Variants in DNMBP observed in about 807,000 individuals in gnomAD.
The protein encoded by DNMBP is dynamin binding protein, also known as dynamin-binding protein.
A neutral mutation model predicts 150.0 loss-of-function variants in DNMBP; 87 were observed. The observed-to-expected ratio is 0.58, with a 90% CI of 0.49 to 0.69. The LOEUF (loss-of-function observed/expected upper bound fraction) is 0.69, where lower values mean the gene tolerates loss of function less well. Ranked by LOEUF, DNMBP falls within the 30% of genes least tolerant of loss-of-function variation. The probability of loss-of-function intolerance (pLI) is 0.00; values close to 1 mark genes in which losing one functional copy is unlikely to be tolerated. For synonymous variants in DNMBP, 711 were observed against 750.4 expected (o/e 0.95, Z 0.86); for missense variants, 1,774 against 1,949.0 (o/e 0.91, Z 1.69).
In DNMBP at chr10:99,883,969, T is replaced by C. The variant is rs776681167; in HGVS notation, c.3997+42A>G. 4 of 1,578,350 alleles carry C rather than the reference T, an allele frequency of 2.5e-6. No individual in the cohort carries two copies. The African/African-American group carries it at 5.4e-5, about 21-fold the overall frequency. On this transcript the variant is annotated intron_variant, in intron 15 of 16. Coordinates refer to ENST00000324109, the MANE Select transcript of DNMBP (RefSeq NM_015221.4). ...TTCGGGTGCAGCCAAAACTACTATT[T>C]TTTTTTTCCAGTTACAGTCCTCTGC...
chr10:99,988,793 C>T (rs2040855128), intron 1 of DNMBP, among the ~76,000 whole-genome samples: 1 of 152,170 alleles, frequency 6.6e-6, no homozygotes, highest in Non-Finnish European at 1.5e-5. Flanking sequence ...TCCCGAGGAG[C>T]TGGGACTACA....
At chr10:99,995,924 A>G (rs1196156733) in intron 1 of DNMBP, among the ~76,000 whole-genome samples, 1 of 152,260 alleles carries the variant, frequency 6.6e-6, no homozygotes, top group Non-Finnish European at 1.5e-5. Context: ...AGTTCTCTGC[A>G]AGGCCACGTG....
In DNMBP at chr10:99,969,120, T is replaced by C. The variant is rs1341121073; in HGVS notation, c.263A>G (p.His88Arg). ...TSQELDNLPL[H>R]RGDLVILDGI... ...CTATTTGATGAGCAGCTTACCTCGA[T>C]GGAGGGGAAGATTATCCAACTCTTG... The change falls in exon 3 of 17, where the codon CAT becomes CGT. Residue 88 changes from histidine to arginine, a missense_variant. Physicochemically the swap from His to Arg is conservative, Grantham distance 29. Transcript: ENST00000324109. 1.4e-5 allele frequency: 22 copies of C among 1,614,080 alleles called. No individual in the cohort carries two copies. Among genetic ancestry groups the C allele is most frequent in the Non-Finnish European group, 1.8e-5 (21 of 1,179,968 alleles).
intron 6 of DNMBP, among the ~76,000 whole-genome samples, chr10:99,900,696 T>C (rs1285681270): frequency 6.6e-6 from 1 of 152,052 alleles, no homozygotes; most frequent in Non-Finnish European, 1.5e-5. Flanking sequence ...CAGTGGCACA[T>C]CTCGGCTCAC....
chr10:99,898,787 AAG>A lies in DNMBP; in HGVS notation c.2703-29_2703-28del, dbSNP rs772000971. 1.6e-5 allele frequency: 26 copies of A among 1,607,806 alleles called. No individual in the cohort carries two copies. The East Asian group carries it at 5.6e-4, about 34-fold the overall frequency. On this transcript the variant is annotated intron_variant, in intron 7 of 16. Coordinates refer to ENST00000324109, the MANE Select transcript of DNMBP (RefSeq NM_015221.4). ...TGCAAGGCAGTGGGCATGAAAAGAA[AAG>A]AGACAGTTTATTAGAGAGAGAATCT...
Position 99,955,967 on chromosome 10 carries a change from C to T in DNMBP, c.1507G>A (p.Ala503Thr). Residue 503 changes from alanine to threonine, a missense_variant, in exon 4 of 17, where the codon GCA becomes ACA. Around this residue, in one of 2 missense-constraint regions of DNMBP, gnomAD observed 1,430 missense variants for 1,492.5 expected, o/e 0.96. Coordinates refer to ENST00000324109, the MANE Select transcript of DNMBP (RefSeq NM_015221.4). ...GTGTGGTGCTTTTTAGTATAACTTG[C>T]TAGGTTGTGGAGCTGAGGACTTGAT... ...RQSSPQLHNL[A>T]SYTKKHHTSS... is the part of the protein sequence containing the mutation. 6.2e-7 allele frequency: 1 copy of T among 1,614,092 alleles called. No homozygotes were observed. The highest frequency in any genetic ancestry group is 8.5e-7 in the Non-Finnish European group (1 of 1,179,994).
intron 6 of DNMBP, among the ~76,000 whole-genome samples, chr10:99,902,303 C>CTTTTTTTTTTTTTTTT (rs34120125): frequency 1.2e-5 from 1 of 82,790 alleles, no homozygotes; most frequent in African/African-American, 4.2e-5. Flanking sequence ...AGCCTCCCTT[C>CTTTTTTTTTTTTTTTT]TTTTTTTTTT....
chr10:99,986,998 C>A (rs959024302), intron 1 of DNMBP, among the ~76,000 whole-genome samples: 1 of 151,006 alleles, frequency 6.6e-6, no homozygotes, highest in Admixed American at 6.6e-5. Context: ...ACTAAAAATA[C>A]AAAAAAATTA....
At chr10:99,971,668 G>A (rs751742979) in intron 2 of DNMBP, among the ~76,000 whole-genome samples, 17 of 151,666 alleles carry the variant, frequency 1.1e-4, no homozygotes, top group Non-Finnish European at 2.1e-4. Context: ...TTACAGGCAC[G>A]CGCCACCACA....
intron 10 of DNMBP, 50 bp downstream of exon 10, chr10:99,896,217 C>A: frequency 1.3e-6 from 2 of 1,599,026 alleles, no homozygotes; most frequent in South Asian, 1.1e-5. Flanking sequence ...CTCATGGAGC[C>A]CTGAAAAGCT....
intron 4 of DNMBP, among the ~76,000 whole-genome samples, 164 bp downstream of exon 4, chr10:99,955,050 C>A (rs1182843275): frequency 2.4e-4 from 32 of 135,268 alleles, no homozygotes; most frequent in Admixed American, 4.6e-4. Context: ...GAGACTGTCT[C>A]AAAAAAAAGG....
Position 99,886,441 on chromosome 10 carries a change from G to A in DNMBP, c.3477C>T (p.Ala1159=). 2 of 1,614,098 alleles carry A rather than the reference G, an allele frequency of 1.2e-6. No individual in the cohort carries two copies. The highest frequency in any genetic ancestry group is 8.5e-7 in the Non-Finnish European group (1 of 1,180,020). ...ELQSARNNYE[A]LNAQLLDELP... Reference sequence around the variant, plus strand: ...GCTCATCCAGCAGCTGTGCATTCAGGGCCTCATAGTTGTTCCGGGCCGACT... The same window carrying A: ...GCTCATCCAGCAGCTGTGCATTCAGAGCCTCATAGTTGTTCCGGGCCGACT... Residue 1159 remains alanine (A), a synonymous_variant, in exon 13 of 17, where the codon GCC becomes GCT. Transcript: ENST00000324109.
chr10:99,888,939 C>G lies in DNMBP; in HGVS notation c.3171G>C (p.Val1057=), dbSNP rs1447724246. The G allele has an allele frequency of 1.2e-6, 2 of 1,614,184 alleles. No homozygotes were observed. The highest frequency in any genetic ancestry group is 2.2e-5 in the South Asian group (2 of 91,078). The part of the protein sequence containing the change: ...YLQHIRESAC[V]KVVAAVSMWD... ...ACATGCTCACAGCAGCCACCACTTT[C>G]ACACATGCGGACTCCTGGAGCCAGT... The change falls in exon 12 of 17, where the codon GTG becomes GTC. Residue 1057 remains valine (V), a synonymous_variant. Transcript: ENST00000324109.
At chr10:99,909,188 AAGC>A (rs781769013) in intron 4 of DNMBP, 42 bp from the exon 5 acceptor site, 1 of 1,526,812 alleles carries the variant, frequency 6.5e-7, no homozygotes, top group South Asian at 1.2e-5. Context: ...CTGGGTGTAA[AAGC>A]AGCACCCTTC....
intron 3 of DNMBP, among the ~76,000 whole-genome samples, chr10:99,961,006 A>G (rs1287519338): frequency 6.8e-6 from 1 of 147,894 alleles, no homozygotes; most frequent in Non-Finnish European, 1.5e-5. Flanking sequence ...AATAAATAAG[A>G]AAAAAAAAAA....
intron 4 of DNMBP, among the ~76,000 whole-genome samples, chr10:99,954,520 G>A (rs11593471): frequency 0.27 from 40,674 of 151,160 alleles, 5,905 homozygotes; most frequent in Non-Finnish European, 0.33. Flanking sequence ...CAAGGTGGGC[G>A]GATCACCTGA....
intron 1 of DNMBP, among the ~76,000 whole-genome samples, chr10:99,983,024 A>C (rs1589448925): frequency 6.6e-6 from 1 of 152,060 alleles, no homozygotes; most frequent in African/African-American, 2.4e-5. Context: ...GGTTTCCTTA[A>C]CTGAAAGACA....
intron 4 of DNMBP, among the ~76,000 whole-genome samples, chr10:99,927,787 G>A (rs2040098674): frequency 6.6e-6 from 1 of 152,176 alleles, no homozygotes. Context: ...GATATTGGGT[G>A]GAACCGAGCT....
chr10:99,948,604 T>C (rs2040385158), intron 4 of DNMBP, among the ~76,000 whole-genome samples: 1 of 152,096 alleles, frequency 6.6e-6, no homozygotes, highest in South Asian at 2.1e-4. Context: ...ACAGTCCCAC[T>C]AACACTGAAT....
Sources: gnomAD v4.1 joint callset for allele counts (sites outside exome capture counted in the v4.1 genomes callset) on GRCh38, gnomAD v4.1.1 for gene constraint, gnomAD v4.1.1 regional missense constraint, MANE v1.5 for transcripts, NCBI Gene and HGNC (gene_info 2026-07-23, HGNC 2026-07-21) for gene names.